DNAH11: variants seen among roughly 807,000 people sequenced by gnomAD.
DNAH11 encodes axonemal beta dynein heavy chain 11.
A neutral mutation model predicts 526.0 loss-of-function variants in DNAH11; 442 were observed. The observed-to-expected ratio is 0.84, with a 90% confidence interval of 0.78 to 0.91. The LOEUF is 0.91. Ranked by LOEUF, DNAH11 falls within the 40% of genes least tolerant of loss-of-function variation. DNAH11 has a pLI of 0.00. For missense variants in DNAH11, 6,989 were observed against 5,448.7 expected, an observed-to-expected ratio of 1.28 and a Z score of -8.90; for synonymous variants, 2,461 against 1,935.9, an observed-to-expected ratio of 1.27 and a Z score of -7.12.
rs1786929725 is a variant in DNAH11 at position 21,637,636 on chromosome 7, T to C, written c.4751T>C (p.Val1584Ala). ...GAGTTAATGTTCAAGACAGCCAAAG[T>C]AGAAAATGTGTTAGAAGCAACGTGC... is the stretch of plus-strand genomic sequence containing the variant. ...FKELMFKTAK[V>A]ENVLEATCRP... Residue 1584 changes from valine to alanine, a missense_variant, in exon 27 of 82, where the codon GTA (valine) becomes GCA (alanine). Val to Ala is a moderately conservative substitution (Grantham distance 64, BLOSUM62 0). Transcript: ENST00000409508. The C allele has an allele frequency of 2.5e-6, 4 of 1,589,146 alleles. No homozygotes were observed. In the South Asian group the frequency reaches 4.6e-5, roughly 18 times the overall value.
intron 65 of DNAH11, among the ~76,000 whole-genome samples, chr7:21,819,818 A>C (rs1859107): frequency 0.09 from 13,673 of 152,258 alleles, 875 homozygotes; most frequent in Non-Finnish European, 0.14. Flanking sequence ...ATAGAGCTTC[A>C]AGTCTTTATC....
chr7:21,800,891 T>A (rs1434107097), intron 61 of DNAH11, among the ~76,000 whole-genome samples: 1 of 152,150 alleles, frequency 6.6e-6, no homozygotes, highest in Admixed American at 6.5e-5. Flanking sequence ...CCCTGCATTC[T>A]GCCCAGTGGA....
At chr7:21,787,625 AG>A in intron 60 of DNAH11, 42 bp downstream of exon 60, 13 of 1,518,140 alleles carry the variant, frequency 8.6e-6, no homozygotes, top group Non-Finnish European at 1.2e-5. Flanking sequence ...TTCTCCACAA[AG>A]GGCTGCAAAC....
chr7:21,743,918 G>A (rs917102250), intron 49 of DNAH11, among the ~76,000 whole-genome samples: 1 of 152,126 alleles, frequency 6.6e-6, no homozygotes, highest in African/African-American at 2.4e-5. Flanking sequence ...GAGTGAGTGC[G>A]TGTGAATCTA....
Position 21,899,353 on chromosome 7 carries a change from T to C in DNAH11, c.13067T>C (p.Leu4356Pro). Residue 4356 changes from leucine (L) to proline (P), a missense_variant, in exon 80 of 82, where the codon CTG becomes CCG. By Grantham distance (98) the Leu-to-Pro change is moderately conservative. Transcript: ENST00000409508. ...TAAACCAGGTTCAATGACCTCCTCC[T>C]GCGATGCCGAGAACTCGATACTTGG... ...GLAQWFNDLL[L>P]RCRELDTWTQ... 6.2e-7 allele frequency: 1 copy of C among 1,613,994 alleles called. No individual in the cohort carries two copies. Among genetic ancestry groups the C allele is most frequent in the Non-Finnish European group, 8.5e-7 (1 of 1,179,864 alleles).
chr7:21,642,782 C>T (rs1332244849), intron 28 of DNAH11, among the ~76,000 whole-genome samples: 1 of 152,004 alleles, frequency 6.6e-6, no homozygotes, highest in Non-Finnish European at 1.5e-5. Flanking sequence ...GGAATGTGAT[C>T]AGCTTGAATA....
intron 28 of DNAH11, among the ~76,000 whole-genome samples, chr7:21,653,472 T>G (rs1283354685): frequency 6.6e-6 from 1 of 152,204 alleles, no homozygotes; most frequent in Admixed American, 6.5e-5. Flanking sequence ...GTTCTTGAAA[T>G]TATTTTCTCA....
At chr7:21,645,618 A>G (rs1348649206) in intron 28 of DNAH11, among the ~76,000 whole-genome samples, 1 of 152,102 alleles carries the variant, frequency 6.6e-6, no homozygotes, top group Non-Finnish European at 1.5e-5. Context: ...AATAATAACA[A>G]ATGGTTCTAA....
At chr7:21,582,973 G>C (rs1429645395) in intron 9 of DNAH11, among the ~76,000 whole-genome samples, 1 of 152,126 alleles carries the variant, frequency 6.6e-6, no homozygotes, top group East Asian at 1.9e-4. Context: ...CGAGGATCTG[G>C]ATAGGAAGAA....
At chr7:21,843,882 T>A (rs1782313010) in intron 66 of DNAH11, among the ~76,000 whole-genome samples, 1 of 152,204 alleles carries the variant, frequency 6.6e-6, no homozygotes, top group Non-Finnish European at 1.5e-5. Context: ...CAATAGTGTG[T>A]CTCAAAAATT....
intron 48 of DNAH11, among the ~76,000 whole-genome samples, chr7:21,740,115 T>C (rs948898863): frequency 1.3e-5 from 2 of 152,170 alleles, no homozygotes; most frequent in Non-Finnish European, 2.9e-5. Flanking sequence ...TAGAATAGTG[T>C]CACTGCCCCA....
At position 21,881,872 on chromosome 7, in the gene DNAH11, A is replaced by G. The variant is rs532108764; in HGVS notation, c.12387+979A>G. Among the ~76,000 whole-genome samples, 4 of 152,342 alleles carry G rather than the reference A, an allele frequency of 2.6e-5. No homozygotes were observed. In the South Asian group the frequency reaches 6.2e-4, roughly 24 times the overall value. On this transcript the variant is annotated intron_variant, in intron 75 of 81. Transcript: ENST00000409508. ...AACAAATTTTAAATAAGTTGTATCCAAAATAAATGGTTTTAATATGGTATT... is the reference window on the plus strand; with the variant it reads ...AACAAATTTTAAATAAGTTGTATCCGAAATAAATGGTTTTAATATGGTATT...
rs752956143 is a variant in DNAH11, at chr7:21,705,495, C to A, written c.6504C>A (p.His2168Gln). 1 of 1,613,584 alleles carries A rather than the reference C, an allele frequency of 6.2e-7. No individual in the cohort carries two copies. The highest frequency in any genetic ancestry group is 8.5e-7 in the Non-Finnish European group (1 of 1,179,754). Residue 2168 changes from histidine to glutamine, a missense_variant, in exon 39 of 82, where the codon CAC becomes CAA. Transcript: ENST00000409508. Reference sequence around the variant, plus strand: ...TTGAGGAACTGTTGGCTGTGCGGCACTCGGTCTTTGTAGTTGGAAATGCAG... The same window carrying A: ...TTGAGGAACTGTTGGCTGTGCGGCAATCGGTCTTTGTAGTTGGAAATGCAG... The part of the protein sequence containing the change: ...VQLEELLAVR[H>Q]SVFVVGNAGT...
At chr7:21,709,614 G>T (rs1472314123) in intron 40 of DNAH11, among the ~76,000 whole-genome samples, 1 of 152,076 alleles carries the variant, frequency 6.6e-6, no homozygotes, top group East Asian at 1.9e-4. Context: ...AATAAAGCAG[G>T]ACACCCTTCA....
intron 75 of DNAH11, among the ~76,000 whole-genome samples, chr7:21,881,593 T>G (rs992474275): frequency 1.4e-4 from 21 of 152,364 alleles, no homozygotes; most frequent in Middle Eastern, 3.4e-3. Context: ...CAAGGGAAAC[T>G]TTTTTCATTA....
At chr7:21,805,783 A>G (rs1789238609) in intron 62 of DNAH11, among the ~76,000 whole-genome samples, 1 of 152,236 alleles carries the variant, frequency 6.6e-6, no homozygotes, top group African/African-American at 2.4e-5. Flanking sequence ...TATCATGTTA[A>G]CTAAGGAAAA....
At position 21,590,887 on chromosome 7, in the gene DNAH11, T is replaced by C. The variant is rs771468324; in HGVS notation, c.2170-31T>C. 11 of 1,207,426 alleles carry C rather than the reference T, an allele frequency of 9.1e-6. 1 individual carries two copies. The South Asian group carries it at 2.2e-4, about 24-fold the overall frequency. 74.8% of individuals were successfully genotyped at this position (1,207,426 alleles called of 1,614,324 possible). On this transcript the variant is annotated intron_variant, in intron 12 of 81. Coordinates refer to ENST00000409508, the MANE Select transcript of DNAH11 (RefSeq NM_001277115.2). ...AAAATAGAATGACATTATGAAAATA[T>C]GCAATAATTTTAATAATTGTATTTT... is the stretch of plus-strand genomic sequence containing the variant.
chr7:21,789,761 C>CTT (rs1788355358), intron 61 of DNAH11, among the ~76,000 whole-genome samples: 1 of 130,482 alleles, frequency 7.7e-6, no homozygotes, highest in Admixed American at 8.2e-5. Context: ...GCATTTCTTT[C>CTT]TCTCTTTCTT....
At chr7:21,798,298 G>T (rs998472669) in intron 61 of DNAH11, among the ~76,000 whole-genome samples, 2 of 152,282 alleles carry the variant, frequency 1.3e-5, no homozygotes, top group East Asian at 3.9e-4. Context: ...GTTTCACCCT[G>T]CTGGCCAAGC....
Sources: allele counts gnomAD v4.1 joint callset (sites outside exome capture counted in the v4.1 genomes callset), GRCh38; gene constraint gnomAD v4.1.1; transcripts MANE v1.5; gene names NCBI Gene and HGNC (gene_info 2026-07-23, HGNC 2026-07-21).